The following SPOPL variants were observed in gnomAD, a reference collection of about 807,000 sequenced individuals.
SPOPL encodes speckle-type POZ protein-like.
Under a neutral mutation model 53.8 loss-of-function variants are expected in SPOPL, and 23 were observed. The ratio of observed to expected loss-of-function variants is 0.43; its 90% CI spans 0.31 to 0.61. SPOPL has a LOEUF of 0.61. SPOPL is among the 20% of genes least tolerant of loss of function. The pLI, the probability that SPOPL is intolerant of heterozygous loss-of-function variation, is 0.12. For synonymous variants in SPOPL, 164 were observed against 149.7 expected, an observed-to-expected ratio of 1.10 and a Z score of -0.70; for missense variants, 442 against 466.9, an observed-to-expected ratio of 0.95 and a Z score of 0.49.
chr2:138,505,937 A>G (rs1684207284), intron 1 of SPOPL, among the ~76,000 whole-genome samples: 3 of 152,190 alleles, frequency 2.0e-5, no homozygotes, highest in South Asian at 4.1e-4. Flanking sequence ...GGCAATTTCA[A>G]CTTTCTGGAC....
chr2:138,527,704 G>T (rs796635600), intron 1 of SPOPL, among the ~76,000 whole-genome samples: 5 of 151,956 alleles, frequency 3.3e-5, no homozygotes, highest in African/African-American at 1.2e-4. Flanking sequence ...TTATCTATTA[G>T]TTTTCCCCAA....
At chr2:138,521,373 T>C (rs1001063970) in intron 1 of SPOPL, among the ~76,000 whole-genome samples, 1 of 152,008 alleles carries the variant, frequency 6.6e-6, no homozygotes, top group African/African-American at 2.4e-5. Context: ...AGCTTTTTTT[T>C]TTTTTTTTTC....
At chr2:138,547,080 C>T (rs1685211529) in intron 1 of SPOPL, among the ~76,000 whole-genome samples, 1 of 152,172 alleles carries the variant, frequency 6.6e-6, no homozygotes, top group Non-Finnish European at 1.5e-5. Flanking sequence ...ATTCTCCTGC[C>T]TCAGCCTCCG....
intron 7 of SPOPL, among the ~76,000 whole-genome samples, chr2:138,560,405 C>T (rs1685517751): frequency 6.6e-6 from 1 of 151,740 alleles, no homozygotes; most frequent in African/African-American, 2.4e-5. Flanking sequence ...AGAAACTTAA[C>T]ACAGATGTAT....
intron 1 of SPOPL, among the ~76,000 whole-genome samples, chr2:138,516,954 T>C (rs970387214): frequency 2.0e-5 from 3 of 152,248 alleles, no homozygotes; most frequent in South Asian, 2.1e-4. Flanking sequence ...AGGTACTTTA[T>C]AAATGTTTGT....
intron 1 of SPOPL, among the ~76,000 whole-genome samples, chr2:138,517,025 C>T (rs945450722): frequency 2.6e-5 from 4 of 152,154 alleles, no homozygotes; most frequent in Admixed American, 6.5e-5. Flanking sequence ...GAACAAAGAG[C>T]ATTGCTTAGA....
intron 1 of SPOPL, among the ~76,000 whole-genome samples, chr2:138,515,892 G>A (rs1283626748): frequency 6.6e-6 from 1 of 152,100 alleles, no homozygotes; most frequent in Non-Finnish European, 1.5e-5. Context: ...CAGCCATTTG[G>A]TAAATACTTG....
rs529172471 is a variant in SPOPL at position 138,571,059 on chromosome 2, G to A, written c.*1979G>A. The A allele has an allele frequency of 2.6e-5, 4 of 152,168 alleles. No individual in the cohort carries two copies. The highest frequency in any genetic ancestry group is 3.4e-3 in the Middle Eastern group (1 of 294). The allele number at this position is 152,168 out of a possible 1,614,324, so 9.4% of individuals were successfully genotyped here. A position where few individuals can be genotyped will look rare whatever the true frequency, so the allele number is the denominator to read the frequency against. On this transcript the variant is annotated 3_prime_UTR_variant, in exon 11 of 11. Coordinates refer to ENST00000280098, the MANE Select transcript of SPOPL (RefSeq NM_001001664.3). ...AGAAATTCACTTCCTTAAATCCATC[G>A]TAAGATTGAGCCTCAAGTTTGCAAT...
At chr2:138,502,271 C>T (rs1684118201) in intron 1 of SPOPL, among the ~76,000 whole-genome samples, 152 bp downstream of exon 1, 1 of 152,140 alleles carries the variant, frequency 6.6e-6, no homozygotes, top group African/African-American at 2.4e-5. Flanking sequence ...CGGCGAGCTC[C>T]GGCCTGCTCT....
chr2:138,516,962 T>G (rs1684450774), intron 1 of SPOPL, among the ~76,000 whole-genome samples: 1 of 152,242 alleles, frequency 6.6e-6, no homozygotes, highest in South Asian at 2.1e-4. Context: ...TATAAATGTT[T>G]GTTCCGTAAA....
chr2:138,545,763 C>T (rs1392254695), intron 1 of SPOPL, among the ~76,000 whole-genome samples: 2 of 152,108 alleles, frequency 1.3e-5, no homozygotes, highest in Non-Finnish European at 2.9e-5. Flanking sequence ...TGATTCAGTT[C>T]CAGAGTTTCA....
In SPOPL at chr2:138,538,197, G is replaced by C. The variant is rs780365824; in HGVS notation, c.-60-11960G>C. 2.0e-4 allele frequency among the ~76,000 whole-genome samples: 30 copies of C among 152,112 alleles called. 1 individual carries two copies. The highest frequency in any genetic ancestry group is 3.7e-4 in the Non-Finnish European group (25 of 68,020). ...TGAGAAGAATGTGTGTTCCACTGTT[G>C]ATGAGTGAAATGGCTGTTAGGTCTA... On this transcript the variant is annotated intron_variant, in intron 1 of 10. Transcript: ENST00000280098.
At chr2:138,561,377 A>T (rs1464025777) in intron 8 of SPOPL, among the ~76,000 whole-genome samples, 1 of 152,100 alleles carries the variant, frequency 6.6e-6, no homozygotes, top group Admixed American at 6.5e-5. Context: ...ATTTTATAAT[A>T]CTTTTTTGTA....
rs2104848142 is a variant in SPOPL, at chr2:138,501,997, G to A, written c.-183G>A. ...GTTCGGCGGAGGCGGCCGCCACAGG[G>A]ACTTGCCGCCATCACCCCTGCTGCC... On this transcript the variant is annotated 5_prime_UTR_variant, in exon 1 of 11. Transcript: ENST00000280098. 3 of 152,906 alleles carry A rather than the reference G, an allele frequency of 2.0e-5. No homozygotes were observed. The Middle Eastern group carries it at 0.01, about 517-fold the overall frequency. 9.5% of individuals were successfully genotyped at this position (152,906 alleles called of 1,614,324 possible).
intron 1 of SPOPL, among the ~76,000 whole-genome samples, chr2:138,533,456 A>G (rs993050961): frequency 2.6e-5 from 4 of 152,140 alleles, no homozygotes; most frequent in South Asian, 2.1e-4. Flanking sequence ...TGCCAAGAGT[A>G]GGGAATGTGT....
intron 5 of SPOPL, among the ~76,000 whole-genome samples, chr2:138,554,126 A>G (rs1158948327): frequency 3.5e-5 from 5 of 142,416 alleles, no homozygotes; most frequent in African/African-American, 1.3e-4. Flanking sequence ...TCCTAAGTAC[A>G]CTGTGCTGGA....
Position 138,569,733 on chromosome 2 carries a change from T to C in SPOPL, c.*653T>C, listed in dbSNP as rs942796110. On this transcript the variant is annotated 3_prime_UTR_variant, in exon 11 of 11. Coordinates refer to ENST00000280098, the MANE Select transcript of SPOPL (RefSeq NM_001001664.3). Reference sequence around the variant, plus strand: ...AACTGTCCAACAAACTGTGGGTTTATTCTAAGTTTACAATTATTGAGAACT... The same window carrying C: ...AACTGTCCAACAAACTGTGGGTTTACTCTAAGTTTACAATTATTGAGAACT... 1 of 152,446 alleles carries C rather than the reference T, an allele frequency of 6.6e-6. No homozygotes were observed. The highest frequency in any genetic ancestry group is 2.4e-5 in the African/African-American group (1 of 41,462). 9.4% of individuals were successfully genotyped at this position (152,446 alleles called of 1,614,324 possible).
At chr2:138,567,371 TAGTGTG>T (rs1685683535) in intron 10 of SPOPL, among the ~76,000 whole-genome samples, 3 of 109,492 alleles carry the variant, frequency 2.7e-5, no homozygotes, top group African/African-American at 1.0e-4. Flanking sequence ...AAGAGCAGTA[TAGTGTG>T]TGTGTGTGTG....
chr2:138,534,790 C>T (rs185749099), intron 1 of SPOPL, among the ~76,000 whole-genome samples: 1 of 152,238 alleles, frequency 6.6e-6, no homozygotes, highest in Admixed American at 6.5e-5. Flanking sequence ...GGTCTGGCAA[C>T]TACTAATCTG....
Sources: gnomAD v4.1 joint callset for allele counts (sites outside exome capture counted in the v4.1 genomes callset) on GRCh38, gnomAD v4.1.1 for gene constraint, MANE v1.5 for transcripts, NCBI Gene and HGNC (gene_info 2026-07-23, HGNC 2026-07-21) for gene names.